SAMM50: variants seen among roughly 807,000 people sequenced by gnomAD.
The protein encoded by SAMM50 is sorting and assembly machinery component 50 homolog.
Under a neutral mutation model 66.9 loss-of-function variants are expected in SAMM50, and 47 were observed. The ratio of observed to expected loss-of-function variants is 0.70; its 90% CI spans 0.56 to 0.90. The LOEUF is 0.90. Ranked by LOEUF, SAMM50 falls within the 40% of genes least tolerant of loss-of-function variation. SAMM50 has a pLI of 0.00. For synonymous variants in SAMM50, 191 were observed against 214.1 expected (o/e 0.89, Z 0.94); for missense variants, 535 against 595.3 (o/e 0.90, Z 1.05).
chr22:43,974,100 T>C (rs2050218699), intron 7 of SAMM50, among the ~76,000 whole-genome samples: 1 of 151,958 alleles, frequency 6.6e-6, no homozygotes, highest in South Asian at 2.1e-4. Context: ...CGGAGAGCCC[T>C]GAGATAGAAT....
chr22:43,973,220 T>A lies in SAMM50; in HGVS notation c.561-16T>A. On this transcript the variant is annotated splice_polypyrimidine_tract_variant and intron_variant, in intron 6 of 14. Transcript: ENST00000350028. ...CACTGTTTCAGCTTTTAAAGCTCTA[T>A]CCCATTGTCTCCTAGTTTCTCTGTA... The A allele has an allele frequency of 2.6e-6, 4 of 1,512,792 alleles. No individual in the cohort carries two copies. Among genetic ancestry groups the A allele is most frequent in the Middle Eastern group, 1.7e-4 (1 of 5,882 alleles). The allele number at this position is 1,512,792 out of a possible 1,614,324, so 93.7% of individuals were successfully genotyped here.
chr22:43,958,449 G>GA, intron 1 of SAMM50, among the ~76,000 whole-genome samples: 2 of 147,504 alleles, frequency 1.4e-5, no homozygotes, highest in South Asian at 2.2e-4. Flanking sequence ...GGGATACAGG[G>GA]AAAAAAGTAT....
chr22:43,972,106 T>C (rs1201295896), intron 4 of SAMM50, 130 bp from the exon 5 acceptor site: 1 of 559,428 alleles, frequency 1.8e-6, no homozygotes, highest in Non-Finnish European at 3.1e-6. Flanking sequence ...TTTCTCATGA[T>C]TATATTATTT....
chr22:43,986,927 T>C (rs2146825826), intron 12 of SAMM50: 1 of 152,308 alleles, frequency 6.6e-6, no homozygotes, highest in South Asian at 2.1e-4. Context: ...TCTGCATAAA[T>C]TTTTGTCGAA....
chr22:43,980,821 A>C (rs1704757841), intron 10 of SAMM50, among the ~76,000 whole-genome samples: 2 of 152,166 alleles, frequency 1.3e-5, no homozygotes, highest in South Asian at 4.1e-4. Context: ...CTGGTTGAGG[A>C]CATTGTTGAG....
At chr22:43,982,817 G>A (rs975705209) in intron 11 of SAMM50, among the ~76,000 whole-genome samples, 1 of 152,124 alleles carries the variant, frequency 6.6e-6, no homozygotes, top group African/African-American at 2.4e-5. Context: ...TGTATTTTTA[G>A]TAGAGGCGAG....
chr22:43,976,746 T>A lies in SAMM50; in HGVS notation c.778-4T>A. Reference sequence around the variant, plus strand: ...GAAAATATCCCCATTCAAATTTCTTTCAGCACGCCATGGTCATCGATTCTC... The same window carrying A: ...GAAAATATCCCCATTCAAATTTCTTACAGCACGCCATGGTCATCGATTCTC... On this transcript the variant is annotated splice_region_variant and splice_polypyrimidine_tract_variant and intron_variant, in intron 8 of 14. Transcript: ENST00000350028. The A allele has an allele frequency of 6.2e-7, 1 of 1,608,806 alleles. No homozygotes were observed. The highest frequency in any genetic ancestry group is 8.5e-7 in the Non-Finnish European group (1 of 1,176,162).
chr22:43,956,236 G>A (rs1295120457), intron 1 of SAMM50, among the ~76,000 whole-genome samples: 2 of 152,140 alleles, frequency 1.3e-5, no homozygotes, highest in Non-Finnish European at 2.9e-5. Flanking sequence ...TTAAATAAGG[G>A]CCAGATAATG....
chr22:43,983,682 T>G lies in SAMM50; in HGVS notation c.1008-251T>G, dbSNP rs184161842. ...AGTTTGCCCTGCCCCTCTCTCCTAG[T>G]GTGTTTCTTGGCATCTTGTGTCTCA... On this transcript the variant is annotated intron_variant, in intron 11 of 14. Transcript: ENST00000350028. This position sits in a 1 kb window ranked among gnomAD's most constrained non-coding sequence, Gnocchi z 4.2. Among the ~76,000 whole-genome samples the G allele has an allele frequency of 6.6e-6, 1 of 152,266 alleles. No individual in the cohort carries two copies. The highest frequency in any genetic ancestry group is 1.9e-4 in the East Asian group (1 of 5,182).
rs780934766 is a variant in SAMM50 at position 43,981,406 on chromosome 22, T to C, written c.952T>C (p.Phe318Leu). Residue 318 changes from phenylalanine (F) to leucine (L), a missense_variant, in exon 11 of 15, where the codon TTC (phenylalanine) becomes CTC (leucine). Transcript: ENST00000350028. ...ATTTGAACAGGTTTTTTCAGCGTCT[T>C]TCTGGGGCGGAATGTTGGTACCCAT... Reference protein sequence around the residue: ...LIFDSVFSASFWGGMLVPIGD... With the variant: ...LIFDSVFSASLWGGMLVPIGD... The C allele has an allele frequency of 1.9e-6, 3 of 1,613,812 alleles. No homozygotes were observed. The highest frequency in any genetic ancestry group is 2.5e-6 in the Non-Finnish European group (3 of 1,179,750).
chr22:43,973,860 G>A (rs1423354150), intron 7 of SAMM50, among the ~76,000 whole-genome samples: 4 of 152,054 alleles, frequency 2.6e-5, no homozygotes, highest in East Asian at 1.9e-4. Flanking sequence ...TGATCTGCCC[G>A]TCTCAGCCTC....
intron 14 of SAMM50, among the ~76,000 whole-genome samples, chr22:43,993,106 A>T (rs1316823509): frequency 6.6e-6 from 1 of 152,232 alleles, no homozygotes. Context: ...GAATCCTTGC[A>T]GGTAGCCCCA....
At chr22:43,981,358 G>T (rs2050263712) in intron 10 of SAMM50, 33 bp from the exon 11 acceptor site, 1 of 1,560,544 alleles carries the variant, frequency 6.4e-7, no homozygotes, top group South Asian at 1.1e-5. Flanking sequence ...AGGAATGCTG[G>T]GAGAAAACAA....
intron 8 of SAMM50, 120 bp downstream of exon 8, chr22:43,976,303 A>C (rs1207860230): frequency 8.3e-7 from 1 of 1,211,210 alleles, no homozygotes; most frequent in Non-Finnish European, 1.2e-6. Context: ...TGGGGTGTCC[A>C]CAGTGGCGGC....
rs770878935 is a variant in SAMM50, at chr22:43,976,771, C to T, written c.799C>T (p.Arg267Trp). ...SLSHAMVIDS[R>W]NSSILPRRGA... is the part of the protein sequence containing the mutation. Reference sequence around the variant, plus strand: ...TCAGCACGCCATGGTCATCGATTCTCGGAATTCTTCCATCTTACCAAGGAG... The same window carrying T: ...TCAGCACGCCATGGTCATCGATTCTTGGAATTCTTCCATCTTACCAAGGAG... The change falls in exon 9 of 15, where the codon CGG (arginine) becomes TGG (tryptophan). Residue 267 changes from arginine (R) to tryptophan (W), a missense_variant. Arg to Trp is a moderately radical substitution (Grantham distance 101). Coordinates refer to ENST00000350028, the MANE Select transcript of SAMM50 (RefSeq NM_015380.5). 15 of 1,612,468 alleles carry T rather than the reference C, an allele frequency of 9.3e-6. No homozygotes were observed. In the Admixed American group the frequency reaches 1.3e-4, roughly 14 times the overall value.
chr22:43,987,067 T>G (rs2050298332), intron 12 of SAMM50: 1 of 152,216 alleles, frequency 6.6e-6, no homozygotes, highest in Non-Finnish European at 1.5e-5. Flanking sequence ...ATGCCGAGTC[T>G]ATGAGAGCTG....
intron 14 of SAMM50, among the ~76,000 whole-genome samples, chr22:43,995,805 T>C (rs980996696): frequency 6.6e-6 from 1 of 152,238 alleles, no homozygotes; most frequent in Non-Finnish European, 1.5e-5. Flanking sequence ...ATAACAGATA[T>C]GGCAACCAAT....
chr22:43,980,864 G>A (rs2050261221), intron 10 of SAMM50, among the ~76,000 whole-genome samples: 1 of 152,234 alleles, frequency 6.6e-6, no homozygotes, highest in Non-Finnish European at 1.5e-5. Flanking sequence ...GGCTCACTGA[G>A]CCAAGACTGG....
chr22:43,992,850 C>T (rs997626846), intron 14 of SAMM50, among the ~76,000 whole-genome samples: 3 of 152,228 alleles, frequency 2.0e-5, no homozygotes, highest in African/African-American at 7.2e-5. Context: ...GTTGCCCCTC[C>T]CCCTCCACAT....
Sources: allele counts gnomAD v4.1 joint callset (sites outside exome capture counted in the v4.1 genomes callset), GRCh38; gene constraint gnomAD v4.1.1; non-coding constraint Gnocchi (gnomAD v3.1); transcripts MANE v1.5; gene names NCBI Gene and HGNC (gene_info 2026-07-23, HGNC 2026-07-21).